The following PLPPR1 variants were observed in gnomAD, a reference collection of about 807,000 sequenced individuals.
PLPPR1 encodes phospholipid phosphatase-related protein type 1.
PLPPR1 carries 10 observed loss-of-function variants against 33.1 expected under a neutral mutation model. The observed-to-expected ratio is 0.30, with a 90% CI of 0.19 to 0.51. The LOEUF (loss-of-function observed/expected upper bound fraction) is 0.51. Ranked by LOEUF, PLPPR1 falls within the 20% of genes least tolerant of loss-of-function variation. The probability of loss-of-function intolerance (pLI) is 0.97; values close to 1 mark genes in which losing one functional copy is unlikely to be tolerated. For missense variants in PLPPR1, 304 were observed against 408.1 expected (o/e 0.74, Z 2.20); for synonymous variants, 151 against 151.0 (o/e 1.00, Z 0.00).
chr9:101,320,599 G>T (rs1346282938), intron 7 of PLPPR1, among the ~76,000 whole-genome samples: 2 of 152,182 alleles, frequency 1.3e-5, no homozygotes, highest in South Asian at 4.1e-4. Context: ...CTAAAGAGAA[G>T]TATTGCCTCT....
chr9:101,205,424 A>G (rs1420143314), intron 2 of PLPPR1, among the ~76,000 whole-genome samples: 4 of 152,198 alleles, frequency 2.6e-5, no homozygotes, highest in Non-Finnish European at 5.9e-5. Context: ...TGTCAATGCC[A>G]GAAATTGGAT....
At chr9:101,178,196 G>A (rs958346670) in intron 1 of PLPPR1, among the ~76,000 whole-genome samples, 2 of 152,184 alleles carry the variant, frequency 1.3e-5, no homozygotes, top group Non-Finnish European at 2.9e-5. Context: ...TGCCCAATGG[G>A]CCCATGGACA....
rs540418636 is a variant in PLPPR1 at position 101,073,831 on chromosome 9, C to T, written c.-46+44729C>T. ...ATTTCCATGCCTTGGCTCATGTTTG[C>T]GTATCTGCACTGAAGCAGCCAGTGC... On this transcript the variant is annotated intron_variant, in intron 1 of 7. Coordinates refer to ENST00000374874, the MANE Select transcript of PLPPR1 (RefSeq NM_207299.2). Among the ~76,000 whole-genome samples, 12 of 152,240 alleles carry T rather than the reference C, an allele frequency of 7.9e-5. No individual in the cohort carries two copies. The South Asian group carries it at 1.9e-3, about 24-fold the overall frequency.
intron 1 of PLPPR1, among the ~76,000 whole-genome samples, chr9:101,092,992 T>C (rs917429236): frequency 2.0e-5 from 3 of 152,150 alleles, no homozygotes; most frequent in Non-Finnish European, 2.9e-5. Context: ...CCAAATCTAA[T>C]AGCACTGTGG....
intron 2 of PLPPR1, among the ~76,000 whole-genome samples, chr9:101,202,961 G>A (rs12338716): frequency 0.12 from 19,010 of 152,214 alleles, 1,420 homozygotes; most frequent in East Asian, 0.28. Context: ...GGCACTAGCT[G>A]CCTCTGCAGT....
chr9:101,253,690 C>T (rs907853642), intron 2 of PLPPR1, among the ~76,000 whole-genome samples: 2 of 152,102 alleles, frequency 1.3e-5, no homozygotes, highest in African/African-American at 4.8e-5. Flanking sequence ...TTTTATTCAA[C>T]GTAAAACCTT....
intron 1 of PLPPR1, among the ~76,000 whole-genome samples, chr9:101,106,969 G>A (rs1239835885): frequency 1.3e-5 from 1 of 78,822 alleles, no homozygotes; most frequent in African/African-American, 6.3e-5. Flanking sequence ...CATTCTTCAC[G>A]TAGTTCTCGA....
rs145232346 is a variant in PLPPR1 at position 101,269,642 on chromosome 9, G to T, written c.64-238G>T. 8.3e-4 allele frequency among the ~76,000 whole-genome samples: 126 copies of T among 152,278 alleles called. No individual in the cohort carries two copies. The East Asian group carries it at 0.021, about 26-fold the overall frequency. ...GCTGAAGCTCTCTACAAGCCTGGCT[G>T]GGATCTGCCTTTCAGATGGGAGCTG... On this transcript the variant is annotated intron_variant, in intron 2 of 7. Transcript: ENST00000374874.
Position 101,311,491 on chromosome 9 carries a change from A to C in PLPPR1, c.637-1307A>C, listed in dbSNP as rs562767727. ...CTTTTAATAGTTTTTAATCTTTCTTATAGGAAAGATTTATGACAGATATAA... is the reference window on the plus strand; with the variant it reads ...CTTTTAATAGTTTTTAATCTTTCTTCTAGGAAAGATTTATGACAGATATAA... On this transcript the variant is annotated intron_variant, in intron 5 of 7. Coordinates refer to ENST00000374874, the MANE Select transcript of PLPPR1 (RefSeq NM_207299.2). 9.2e-5 allele frequency among the ~76,000 whole-genome samples: 14 copies of C among 152,338 alleles called. No individual in the cohort carries two copies. The South Asian group carries it at 2.9e-3, about 32-fold the overall frequency.
chr9:101,042,952 G>C (rs1026055300), intron 1 of PLPPR1, among the ~76,000 whole-genome samples: 1 of 152,066 alleles, frequency 6.6e-6, no homozygotes, highest in Non-Finnish European at 1.5e-5. Flanking sequence ...TTGGGGAACA[G>C]GTGGTATTTG....
chr9:101,255,522 T>G (rs1014895955), intron 2 of PLPPR1, among the ~76,000 whole-genome samples: 5 of 152,168 alleles, frequency 3.3e-5, no homozygotes, highest in African/African-American at 4.8e-5. Flanking sequence ...TCTGCAAGAG[T>G]TAACCCTTTT....
At chr9:101,310,943 A>G (rs972006828) in intron 5 of PLPPR1, among the ~76,000 whole-genome samples, 1 of 152,354 alleles carries the variant, frequency 6.6e-6, no homozygotes, top group African/African-American at 2.4e-5. Context: ...TGCTTTATCA[A>G]AAACAAAACC....
At chr9:101,268,536 CA>C (rs533367072) in intron 2 of PLPPR1, among the ~76,000 whole-genome samples, 144 of 152,288 alleles carry the variant, frequency 9.5e-4, no homozygotes, top group African/African-American at 3.4e-3. Flanking sequence ...GTATAAGATG[CA>C]GTTTTAGATC....
intron 2 of PLPPR1, among the ~76,000 whole-genome samples, chr9:101,245,276 T>G (rs1827567580): frequency 6.6e-6 from 1 of 151,886 alleles, no homozygotes; most frequent in Admixed American, 6.6e-5. Context: ...ACAATGAAAA[T>G]AAATGAACTT....
intron 2 of PLPPR1, among the ~76,000 whole-genome samples, chr9:101,255,870 A>G (rs1214992552): frequency 6.6e-6 from 1 of 152,208 alleles, no homozygotes; most frequent in Non-Finnish European, 1.5e-5. Flanking sequence ...GTGAATGATT[A>G]AAGGGTCTGA....
At chr9:101,064,946 G>A (rs1237892794) in intron 1 of PLPPR1, among the ~76,000 whole-genome samples, 1 of 151,986 alleles carries the variant, frequency 6.6e-6, no homozygotes, top group African/African-American at 2.4e-5. Context: ...ACTAATCCAT[G>A]AGGGCTCTGC....
intron 2 of PLPPR1, among the ~76,000 whole-genome samples, chr9:101,208,760 C>G (rs945956089): frequency 1.4e-4 from 21 of 152,132 alleles, no homozygotes; most frequent in African/African-American, 4.8e-4. Flanking sequence ...TCTAAAAGAC[C>G]CACAAAAATT....
chr9:101,083,245 G>A (rs542184878), intron 1 of PLPPR1, among the ~76,000 whole-genome samples: 116 of 151,790 alleles, frequency 7.6e-4, no homozygotes, highest in African/African-American at 2.4e-3. Flanking sequence ...GGCAACCTCC[G>A]GCTCTGGGGT....
At chr9:101,234,395 G>A (rs950642708) in intron 2 of PLPPR1, among the ~76,000 whole-genome samples, 1 of 151,780 alleles carries the variant, frequency 6.6e-6, no homozygotes, top group African/African-American at 2.4e-5. Context: ...CACCTCCAGA[G>A]AACTATCTCA....
Sources: allele counts gnomAD v4.1 joint callset (sites outside exome capture counted in the v4.1 genomes callset), GRCh38; gene constraint gnomAD v4.1.1; transcripts MANE v1.5; gene names NCBI Gene and HGNC (gene_info 2026-07-23, HGNC 2026-07-21).